FOXN2: variants seen among roughly 807,000 people sequenced by gnomAD.
FOXN2 encodes the protein forkhead box protein N2.
In FOXN2, 19 loss-of-function variants were observed where a neutral mutation model predicts 41.2. That is an observed-to-expected ratio of 0.46 (90% CI 0.32 to 0.68). The LOEUF (loss-of-function observed/expected upper bound fraction) is 0.68. Among genes scored for constraint, FOXN2 ranks in the 30% least tolerant of loss-of-function variants. The probability of loss-of-function intolerance (pLI) is 0.03; values close to 1 mark genes in which losing one functional copy is unlikely to be tolerated. For missense variants in FOXN2, 587 were observed against 509.4 expected, an observed-to-expected ratio of 1.15 and a Z score of -1.47; for synonymous variants, 195 against 176.8, an observed-to-expected ratio of 1.10 and a Z score of -0.82.
At chr2:48,368,673 C>T (rs572844664) in intron 5 of FOXN2, among the ~76,000 whole-genome samples, 2 of 152,244 alleles carry the variant, frequency 1.3e-5, no homozygotes, top group East Asian at 1.9e-4. Flanking sequence ...GCTTGGACAA[C>T]GGAGTGAGAC....
chr2:48,316,651 A>T (rs918719834), intron 1 of FOXN2, among the ~76,000 whole-genome samples: 2 of 152,202 alleles, frequency 1.3e-5, no homozygotes, highest in African/African-American at 4.8e-5. Flanking sequence ...TTTTTAGAAT[A>T]TATAAAAGTA....
At chr2:48,359,729 C>T (rs767417786) in intron 4 of FOXN2, among the ~76,000 whole-genome samples, 1 of 151,846 alleles carries the variant, frequency 6.6e-6, no homozygotes, top group Non-Finnish European at 1.5e-5. Flanking sequence ...AGAACATACA[C>T]TCTGGGAAAT....
At position 48,376,903 on chromosome 2, in the gene FOXN2, T is replaced by G. The variant is rs1198724818; in HGVS notation, c.*1460T>G. On this transcript the variant is annotated 3_prime_UTR_variant, in exon 7 of 7. Transcript: ENST00000340553. ...ATATGTACACATACATATACACATA[T>G]GCACAGTCAAGGTCATGATGTTGAT... 6.6e-6 allele frequency: 1 copy of G among 152,546 alleles called. No individual in the cohort carries two copies. Among genetic ancestry groups the G allele is most frequent in the Admixed American group, 6.5e-5 (1 of 15,268 alleles). The allele number at this position is 152,546 out of a possible 1,614,324, so 9.4% of individuals were successfully genotyped here.
chr2:48,327,949 T>G (rs1669788068), intron 1 of FOXN2, among the ~76,000 whole-genome samples: 1 of 152,202 alleles, frequency 6.6e-6, no homozygotes, highest in Admixed American at 6.5e-5. Context: ...ACTCTTGCTT[T>G]CCAAATTTGA....
chr2:48,362,392 C>G (rs564124316), intron 4 of FOXN2, among the ~76,000 whole-genome samples: 1 of 152,104 alleles, frequency 6.6e-6, no homozygotes, highest in East Asian at 1.9e-4. Context: ...ATGGTAAAAC[C>G]CTTTCTCTAC....
chr2:48,331,056 T>TAAC, intron 2 of FOXN2, among the ~76,000 whole-genome samples: 3 of 152,320 alleles, frequency 2.0e-5, no homozygotes, highest in Admixed American at 2.0e-4. Flanking sequence ...TCACTCCATG[T>TAAC]AGTAAAGCTT....
At chr2:48,338,646 G>A (rs573024703) in intron 2 of FOXN2, among the ~76,000 whole-genome samples, 9 of 152,096 alleles carry the variant, frequency 5.9e-5, no homozygotes, top group African/African-American at 1.7e-4. Context: ...TGATCCGCCC[G>A]CCTCTGCCTC....
At chr2:48,330,259 T>C (rs1239451140) in intron 2 of FOXN2, among the ~76,000 whole-genome samples, 2 of 152,104 alleles carry the variant, frequency 1.3e-5, no homozygotes, top group African/African-American at 4.8e-5. Context: ...TTAATAAATA[T>C]GATTCATTCC....
At position 48,340,558 on chromosome 2, in the gene FOXN2, C is replaced by G. The variant is rs555324833; in HGVS notation, c.-14-5643C>G. 48 of 152,256 alleles carry G rather than the reference C, an allele frequency of 3.2e-4. 1 individual carries two copies. The highest frequency in any genetic ancestry group is 1.0e-3 in the African/African-American group (43 of 41,566). The allele number at this position is 152,256 out of a possible 1,614,324, so 9.4% of individuals were successfully genotyped here. On this transcript the variant is annotated intron_variant, in intron 2 of 6. Transcript: ENST00000340553. The stretch of plus-strand genomic sequence containing the variant: ...ACATTTAAATCCGAAGCCTTCTTCT[C>G]AAGATACCGCCATGGCAGGCACACA...
intron 4 of FOXN2, among the ~76,000 whole-genome samples, chr2:48,359,647 A>G (rs1360551893): frequency 6.6e-6 from 1 of 151,376 alleles, no homozygotes; most frequent in Non-Finnish European, 1.5e-5. Flanking sequence ...ATTTATGGAT[A>G]AGACATTAGC....
chr2:48,335,883 C>T (rs952009199), intron 2 of FOXN2, among the ~76,000 whole-genome samples: 2 of 151,746 alleles, frequency 1.3e-5, no homozygotes, highest in African/African-American at 2.4e-5. Flanking sequence ...AAAAAGTTAG[C>T]CAGGCGTGGT....
chr2:48,346,541 G>A lies in FOXN2; in HGVS notation c.327G>A (p.Ala109=), dbSNP rs778236290. 10 of 1,613,272 alleles carry A rather than the reference G, an allele frequency of 6.2e-6. No homozygotes were observed. Among genetic ancestry groups the A allele is most frequent in the African/African-American group, 5.3e-5 (4 of 74,782 alleles). ...ACCAGAACCCAGAAAAAAAATCAGC[G>A]ACTTCAAAGCCCCCATACTCCTTTA... ...ACYQNPEKKS[A]TSKPPYSFSL... Residue 109 remains alanine, a synonymous_variant, in exon 3 of 7, where the codon GCG becomes GCA. Transcript: ENST00000340553.
rs1007055918 is a variant in FOXN2 at position 48,378,379 on chromosome 2, T to A, written c.*2936T>A. On this transcript the variant is annotated 3_prime_UTR_variant, in exon 7 of 7. Transcript: ENST00000340553. ...CCTTTGTATATAGTAAAGTTTAGTA[T>A]ATATATATTTTTTTCTTTTTGCTAC... 1.3e-5 allele frequency: 2 copies of A among 151,680 alleles called. No homozygotes were observed. The highest frequency in any genetic ancestry group is 2.9e-5 in the Non-Finnish European group (2 of 67,808). The allele number at this position is 151,680 out of a possible 1,614,324, so 9.4% of individuals were successfully genotyped here.
intron 4 of FOXN2, among the ~76,000 whole-genome samples, chr2:48,359,398 A>G (rs565851467): frequency 6.6e-6 from 1 of 152,204 alleles, no homozygotes; most frequent in Non-Finnish European, 1.5e-5. Context: ...GGTTCAGGTG[A>G]TCCTCCCACC....
rs1395921703 is a variant in FOXN2, at chr2:48,353,214, G to C, written c.538-5833G>C. 3.3e-5 allele frequency among the ~76,000 whole-genome samples: 5 copies of C among 152,088 alleles called. No homozygotes were observed. The South Asian group carries it at 1.0e-3, about 31-fold the overall frequency. ...ACCCTCCCCAGTTTGGCTTCTGCCT[G>C]TCTTTGCAGTTTTTTTTCTTCACTA... On this transcript the variant is annotated intron_variant, in intron 3 of 6. Transcript: ENST00000340553.
chr2:48,317,679 C>G (rs939192730), intron 1 of FOXN2, among the ~76,000 whole-genome samples: 2 of 119,108 alleles, frequency 1.7e-5, no homozygotes, highest in African/African-American at 3.2e-5. Flanking sequence ...GCTATCTTGG[C>G]TCACTGCAAC....
Position 48,366,969 on chromosome 2 carries a change from A to C in FOXN2, c.703+4262A>C, listed in dbSNP as rs557238070. On this transcript the variant is annotated intron_variant, in intron 5 of 6. Transcript: ENST00000340553. ...AACTTACATATTCATCTAACACTTCATAGAATCATCTTTACTGATCATTAT... is the reference window on the plus strand; with the variant it reads ...AACTTACATATTCATCTAACACTTCCTAGAATCATCTTTACTGATCATTAT... Among the ~76,000 whole-genome samples the C allele has an allele frequency of 5.3e-5, 8 of 152,302 alleles. No individual in the cohort carries two copies. In the East Asian group the frequency reaches 1.5e-3, roughly 29 times the overall value.
intron 3 of FOXN2, among the ~76,000 whole-genome samples, chr2:48,355,955 A>G (rs1671764045): frequency 6.6e-6 from 1 of 152,064 alleles, no homozygotes; most frequent in South Asian, 2.1e-4. Context: ...TTTGGGCTTT[A>G]TGTTTTAAAT....
chr2:48,342,153 T>C (rs1295801279), intron 2 of FOXN2, among the ~76,000 whole-genome samples: 1 of 152,184 alleles, frequency 6.6e-6, no homozygotes, highest in African/African-American at 2.4e-5. Flanking sequence ...ATTAGTAATA[T>C]AAATCACCGT....
Sources: gnomAD v4.1 joint callset for allele counts (sites outside exome capture counted in the v4.1 genomes callset) on GRCh38, gnomAD v4.1.1 for gene constraint, MANE v1.5 for transcripts, NCBI Gene and HGNC (gene_info 2026-07-23, HGNC 2026-07-21) for gene names.